The following DENND1A variants were observed in gnomAD, a reference collection of about 807,000 sequenced individuals.
The protein encoded by DENND1A is DENN domain-containing protein 1A.
Under a neutral mutation model 113.7 loss-of-function variants are expected in DENND1A, and 51 were observed. That is an observed-to-expected ratio of 0.45 (90% CI 0.36 to 0.57). The LOEUF (loss-of-function observed/expected upper bound fraction) is 0.57. DENND1A is among the 20% of genes least tolerant of loss of function. DENND1A has a pLI of 0.00. For missense variants in DENND1A, 1,258 were observed against 1,395.9 expected, an observed-to-expected ratio of 0.90 and a Z score of 1.57; for synonymous variants, 565 against 570.8, an observed-to-expected ratio of 0.99 and a Z score of 0.14.
At chr9:123,561,720 C>T (rs2057769088) in intron 12 of DENND1A, among the ~76,000 whole-genome samples, 1 of 152,028 alleles carries the variant, frequency 6.6e-6, no homozygotes, top group African/African-American at 2.4e-5. Flanking sequence ...AGGAGGAAGA[C>T]AAGGCAAAGG....
At chr9:123,835,111 GAA>G (rs35785869) in intron 2 of DENND1A, among the ~76,000 whole-genome samples, 10 of 112,096 alleles carry the variant, frequency 8.9e-5, no homozygotes, top group Non-Finnish European at 7.6e-5. Context: ...CTTTAGAGGG[GAA>G]AAAAAAAAAA....
At chr9:123,547,252 G>A (rs141857315) in intron 13 of DENND1A, among the ~76,000 whole-genome samples, 8 of 152,354 alleles carry the variant, frequency 5.3e-5, no homozygotes, top group Non-Finnish European at 8.8e-5. Context: ...CTGTAGGGCC[G>A]GGTGTGGTGG....
chr9:123,477,764 A>G (rs2050030831), intron 13 of DENND1A, among the ~76,000 whole-genome samples: 1 of 151,530 alleles, frequency 6.6e-6, no homozygotes, highest in African/African-American at 2.4e-5. Flanking sequence ...AAAAAAAAAA[A>G]GATTAAATGA....
rs770700865 is a variant in DENND1A at position 123,728,850 on chromosome 9, C to T, written c.302+28853G>A. Among the ~76,000 whole-genome samples the T allele has an allele frequency of 5.3e-4, 80 of 152,084 alleles. 1 individual carries two copies. Among genetic ancestry groups the T allele is most frequent in the Non-Finnish European group, 9.9e-4 (67 of 68,012 alleles). ...TCAGGCCAATATCGCTGATGAACAT[C>T]GATGCGAAAATCCTCAATAAAATAC... On this transcript the variant is annotated intron_variant, in intron 5 of 23. Transcript: ENST00000394215.
intron 8 of DENND1A, among the ~76,000 whole-genome samples, chr9:123,664,338 G>C (rs2063392048): frequency 6.6e-6 from 1 of 151,914 alleles, no homozygotes; most frequent in Non-Finnish European, 1.5e-5. Flanking sequence ...TCTTTTTCTA[G>C]AAAATTTTCT....
At chr9:123,718,724 T>C (rs1470499487) in intron 5 of DENND1A, among the ~76,000 whole-genome samples, 3 of 152,214 alleles carry the variant, frequency 2.0e-5, no homozygotes, top group African/African-American at 7.2e-5. Flanking sequence ...CAAACTGAAC[T>C]GCCATTGGAA....
intron 13 of DENND1A, among the ~76,000 whole-genome samples, chr9:123,550,920 A>G (rs560797279): frequency 1.3e-5 from 2 of 152,288 alleles, no homozygotes; most frequent in African/African-American, 4.8e-5. Context: ...AAAGGACCCC[A>G]GCCCTAACTA....
At chr9:123,447,868 G>C (rs1290604834) in intron 18 of DENND1A, among the ~76,000 whole-genome samples, 2 of 151,952 alleles carry the variant, frequency 1.3e-5, no homozygotes, top group Admixed American at 1.3e-4. Context: ...ATTAGCTCAA[G>C]AAAGGGCGCT....
intron 9 of DENND1A, among the ~76,000 whole-genome samples, chr9:123,647,120 TAAA>T (rs1017158302): frequency 5.3e-5 from 8 of 152,214 alleles, no homozygotes; most frequent in African/African-American, 1.9e-4. Context: ...CCTGATACTC[TAAA>T]ATCTCATGAT....
chr9:123,629,594 G>C (rs1328494638), intron 10 of DENND1A, among the ~76,000 whole-genome samples: 1 of 152,192 alleles, frequency 6.6e-6, no homozygotes, highest in African/African-American at 2.4e-5. Context: ...TCCTTTTACA[G>C]ATGAGTAAAC....
At chr9:123,707,659 C>G (rs2066314843) in intron 5 of DENND1A, among the ~76,000 whole-genome samples, 1 of 152,102 alleles carries the variant, frequency 6.6e-6, no homozygotes, top group Non-Finnish European at 1.5e-5. Flanking sequence ...ATAACCATGA[C>G]AAGAGCAGAT....
At chr9:123,921,030 AC>A (rs1856151055) in intron 1 of DENND1A, among the ~76,000 whole-genome samples, 1 of 152,214 alleles carries the variant, frequency 6.6e-6, no homozygotes, top group Non-Finnish European at 1.5e-5. Flanking sequence ...TCAGTGAAAT[AC>A]ACTACACGTC....
At chr9:123,902,248 C>A (rs1564473391) in intron 1 of DENND1A, among the ~76,000 whole-genome samples, 1 of 151,636 alleles carries the variant, frequency 6.6e-6, no homozygotes, top group Non-Finnish European at 1.5e-5. Flanking sequence ...AATAAACAGG[C>A]AGAGCTACCT....
rs1462802568 is a variant in DENND1A, at chr9:123,484,203, C to T, written c.994-26306G>A. Among the ~76,000 whole-genome samples, 3 of 152,140 alleles carry T rather than the reference C, an allele frequency of 2.0e-5. No individual in the cohort carries two copies. In the East Asian group the frequency reaches 5.8e-4, roughly 29 times the overall value. On this transcript the variant is annotated intron_variant, in intron 13 of 23. Transcript: ENST00000394215. ...ATTTAGTATATTATCTTCTATCTAGCAGGACACAAGGTGAAGGAGACAGAG... is the reference window on the plus strand; with the variant it reads ...ATTTAGTATATTATCTTCTATCTAGTAGGACACAAGGTGAAGGAGACAGAG...
chr9:123,492,295 C>T (rs2051443716), intron 13 of DENND1A, among the ~76,000 whole-genome samples: 1 of 152,176 alleles, frequency 6.6e-6, no homozygotes, highest in South Asian at 2.1e-4. Flanking sequence ...GGGGTCACTC[C>T]CAGGCACACA....
Position 123,741,066 on chromosome 9 carries a change from A to C in DENND1A, c.302+16637T>G, listed in dbSNP as rs528565060. 5.3e-5 allele frequency among the ~76,000 whole-genome samples: 8 copies of C among 152,250 alleles called. No individual in the cohort carries two copies. In the East Asian group the frequency reaches 1.5e-3, roughly 29 times the overall value. On this transcript the variant is annotated intron_variant, in intron 5 of 23. Coordinates refer to ENST00000394215, the MANE Select transcript of DENND1A (RefSeq NM_001352964.2). ...TCAAGGGTTCTCTCAATGGCATCTA[A>C]ATTCTTGTACCCTCTCAAGGAAATT...
intron 10 of DENND1A, among the ~76,000 whole-genome samples, chr9:123,623,130 T>C (rs1458028616): frequency 6.6e-6 from 1 of 151,472 alleles, no homozygotes; most frequent in African/African-American, 2.4e-5. Flanking sequence ...ATACAATAAC[T>C]CAAGTTAAAT....
At chr9:123,707,133 G>A (rs1167094787) in intron 5 of DENND1A, among the ~76,000 whole-genome samples, 2 of 152,116 alleles carry the variant, frequency 1.3e-5, no homozygotes, top group African/African-American at 2.4e-5. Context: ...GGTGGCTCAC[G>A]CCTGTAATCC....
intron 12 of DENND1A, among the ~76,000 whole-genome samples, chr9:123,561,988 C>A (rs567204227): frequency 2.0e-5 from 3 of 152,184 alleles, no homozygotes; most frequent in African/African-American, 7.2e-5. Context: ...CCCTCTCTGG[C>A]CCAGACTAGT....
Sources: gnomAD v4.1 joint callset for allele counts (sites outside exome capture counted in the v4.1 genomes callset) on GRCh38, gnomAD v4.1.1 for gene constraint, MANE v1.5 for transcripts, NCBI Gene and HGNC (gene_info 2026-07-23, HGNC 2026-07-21) for gene names.